The following GNB1 variants were observed in gnomAD, a reference collection of about 807,000 sequenced individuals.
The protein encoded by GNB1 is G protein subunit beta 1.
Under a neutral mutation model 42.9 loss-of-function variants are expected in GNB1, and 2 were observed. The observed-to-expected ratio is 0.05, with a 90% CI of 0.02 to 0.15. The LOEUF (loss-of-function observed/expected upper bound fraction) is 0.15, where lower values mean the gene tolerates loss of function less well. Ranked by LOEUF, GNB1 falls within the 10% of genes least tolerant of loss-of-function variation. GNB1 has a pLI of 1.00. For synonymous variants in GNB1, 183 were observed against 174.7 expected (o/e 1.05, Z -0.38); for missense variants, 193 against 462.2 (o/e 0.42, Z 5.34).
At chr1:1,803,982 TAA>T (rs1491398910) in intron 7 of GNB1, among the ~76,000 whole-genome samples, 2 of 24,680 alleles carry the variant, frequency 8.1e-5, no homozygotes, top group Non-Finnish European at 1.8e-4. Context: ...ACTCTGTCTT[TAA>T]AAAAAAAAAA....
chr1:1,868,198 G>A (rs865984526), intron 1 of GNB1, among the ~76,000 whole-genome samples: 8 of 151,548 alleles, frequency 5.3e-5, no homozygotes, highest in South Asian at 2.1e-4. Flanking sequence ...TTTTTGAGAC[G>A]GAGTTTCGCT....
At chr1:1,850,076 G>C (rs1486548651) in intron 1 of GNB1, among the ~76,000 whole-genome samples, 2 of 151,274 alleles carry the variant, frequency 1.3e-5, no homozygotes, top group Non-Finnish European at 2.9e-5. Context: ...TCAAGTGATT[G>C]TCCTGCCTCA....
chr1:1,851,163 C>T (rs1647959015), intron 1 of GNB1, among the ~76,000 whole-genome samples: 1 of 152,146 alleles, frequency 6.6e-6, no homozygotes, highest in Admixed American at 6.6e-5. Flanking sequence ...CAATTCCCAG[C>T]ACTTTGGGAG....
intron 1 of GNB1, among the ~76,000 whole-genome samples, chr1:1,869,679 G>A (rs544255948): frequency 3.9e-5 from 6 of 152,174 alleles, no homozygotes; most frequent in Admixed American, 3.9e-4. Flanking sequence ...TCTTCCAGAT[G>A]ACCCAACTAC....
chr1:1,854,763 T>C (rs1648172907), intron 1 of GNB1, among the ~76,000 whole-genome samples: 2 of 152,200 alleles, frequency 1.3e-5, no homozygotes, highest in Admixed American at 1.3e-4. Flanking sequence ...AAAAGTGCAG[T>C]GGCTCACACC....
intron 5 of GNB1, among the ~76,000 whole-genome samples, chr1:1,807,002 G>A (rs572986875): frequency 6.6e-6 from 1 of 151,484 alleles, no homozygotes; most frequent in South Asian, 2.1e-4. Flanking sequence ...GGAAAGGAAG[G>A]CTCTAAATGT....
intron 2 of GNB1, among the ~76,000 whole-genome samples, chr1:1,836,710 C>A (rs949848126): frequency 6.6e-6 from 1 of 152,158 alleles, no homozygotes; most frequent in Non-Finnish European, 1.5e-5. Flanking sequence ...GCCACTACAC[C>A]TAGCTAATTT....
At chr1:1,799,751 T>G (rs546810848) in intron 7 of GNB1, among the ~76,000 whole-genome samples, 16 of 152,304 alleles carry the variant, frequency 1.1e-4, no homozygotes, top group African/African-American at 3.8e-4. Context: ...AGGAGCTTTC[T>G]CTGAGGAGGG....
At chr1:1,848,611 TTTC>T (rs1647809911) in intron 1 of GNB1, among the ~76,000 whole-genome samples, 2 of 152,126 alleles carry the variant, frequency 1.3e-5, no homozygotes, top group African/African-American at 2.4e-5. Context: ...CCCTTATGAT[TTTC>T]TTAATATTTT....
chr1:1,884,651 A>G (rs2101919332), intron 1 of GNB1, among the ~76,000 whole-genome samples: 1 of 152,242 alleles, frequency 6.6e-6, no homozygotes, highest in East Asian at 1.9e-4. Context: ...AGTAAACAAG[A>G]ATACATTCCA....
intron 1 of GNB1, among the ~76,000 whole-genome samples, 177 bp downstream of exon 1, chr1:1,890,643 C>T (rs1650446794): frequency 6.8e-6 from 1 of 148,056 alleles, no homozygotes; most frequent in Non-Finnish European, 1.5e-5. Flanking sequence ...CGACCCTGCA[C>T]CCCGAACCTC....
At chr1:1,881,566 ATTTT>A (rs2101889757) in intron 1 of GNB1, among the ~76,000 whole-genome samples, 1 of 151,982 alleles carries the variant, frequency 6.6e-6, no homozygotes, top group Admixed American at 6.6e-5. Flanking sequence ...ACCAAGCCTA[ATTTT>A]TATATGTTTA....
At chr1:1,853,491 G>A (rs1648098905) in intron 1 of GNB1, among the ~76,000 whole-genome samples, 1 of 151,950 alleles carries the variant, frequency 6.6e-6, no homozygotes. Flanking sequence ...CTAGAAACAT[G>A]AACATATTTT....
At chr1:1,886,470 G>C (rs1010565157) in intron 1 of GNB1, among the ~76,000 whole-genome samples, 1 of 152,198 alleles carries the variant, frequency 6.6e-6, no homozygotes, top group East Asian at 1.9e-4. Flanking sequence ...ATGTGATGTT[G>C]CATTTCTCTC....
intron 1 of GNB1, among the ~76,000 whole-genome samples, chr1:1,867,174 G>C (rs1648990217): frequency 1.3e-5 from 2 of 152,158 alleles, no homozygotes; most frequent in African/African-American, 4.8e-5. Context: ...GGCTGAGGCA[G>C]AAGAATTGCT....
intron 3 of GNB1, 76 bp from the exon 4 acceptor site, chr1:1,817,951 C>A: frequency 8.8e-7 from 1 of 1,140,728 alleles, no homozygotes. Flanking sequence ...ACCAAAGTTT[C>A]AAAGAGAGCT....
At chr1:1,800,068 C>A (rs1646603651) in intron 7 of GNB1, among the ~76,000 whole-genome samples, 1 of 152,212 alleles carries the variant, frequency 6.6e-6, no homozygotes, top group South Asian at 2.1e-4. Flanking sequence ...TCAGTTAGTT[C>A]TGGAGAATGT....
chr1:1,888,367 C>CA (rs755158256), intron 1 of GNB1, among the ~76,000 whole-genome samples: 1,912 of 118,130 alleles, frequency 0.016, 32 homozygotes, highest in African/African-American at 0.046. Context: ...CTCTCAATCT[C>CA]AAAAAAAAAA....
chr1:1,803,846 G>C (rs1214021349), intron 7 of GNB1, among the ~76,000 whole-genome samples: 1 of 152,046 alleles, frequency 6.6e-6, no homozygotes, highest in Non-Finnish European at 1.5e-5. Flanking sequence ...GCTGGGCGTG[G>C]TGGCGGACAC....
Sources: allele counts gnomAD v4.1 joint callset (sites outside exome capture counted in the v4.1 genomes callset), GRCh38; gene constraint gnomAD v4.1.1; transcripts MANE v1.5; gene names NCBI Gene and HGNC (gene_info 2026-07-23, HGNC 2026-07-21).